Variants in CSTL1 observed in about 807,000 individuals in gnomAD.
CSTL1 encodes cystatin-like 1.
A neutral mutation model predicts 14.4 loss-of-function variants in CSTL1; 14 were observed. The ratio of observed to expected loss-of-function variants is 0.97; its 90% confidence interval spans 0.64 to 1.52. The LOEUF (loss-of-function observed/expected upper bound fraction) is 1.52, where lower values mean the gene tolerates loss of function less well. CSTL1 is among the 40% of genes most tolerant of loss of function. CSTL1 has a pLI of 0.00. For missense variants in CSTL1, 170 were observed against 168.7 expected, an observed-to-expected ratio of 1.01 and a Z score of -0.04; for synonymous variants, 72 against 67.5, an observed-to-expected ratio of 1.07 and a Z score of -0.33.
At chr20:23,452,043 G>A in the CSTL1 span, 7 of 634,242 alleles carry the variant, frequency 1.1e-5, no homozygotes, top group African/African-American at 5.6e-5. Flanking sequence ...GCGGATTAGC[G>A]GGCTCCTCTC....
At chr20:23,443,756 T>C (rs536517481) in intron 2 of CSTL1, among the ~76,000 whole-genome samples, 178 bp from the exon 3 acceptor site, 1 of 152,330 alleles carries the variant, frequency 6.6e-6, no homozygotes, top group African/African-American at 2.4e-5. Flanking sequence ...GGGCTTTGGC[T>C]GCCATTGCCC....
At chr20:23,440,031 A>T (rs1474608971) in intron 1 of CSTL1, 113 bp from the exon 2 acceptor site, 3 of 539,906 alleles carry the variant, frequency 5.6e-6, no homozygotes, top group East Asian at 3.2e-5. Flanking sequence ...GTGTTTAAAA[A>T]TTTTGCTTGC....
At chr20:23,452,782 C>G in the CSTL1 span, 1 of 1,614,078 alleles carries the variant, frequency 6.2e-7, no homozygotes, top group Admixed American at 1.7e-5. Flanking sequence ...CCAACAGGAG[C>G]TGTAGGGCCT....
chr20:23,456,018 T>A, the CSTL1 span, among the ~76,000 whole-genome samples: 1 of 152,168 alleles, frequency 6.6e-6, no homozygotes, highest in African/African-American at 2.4e-5. Flanking sequence ...TCTTCCTCTA[T>A]GTTCATAATT....
the CSTL1 span, among the ~76,000 whole-genome samples, chr20:23,451,467 G>A: frequency 6.6e-6 from 1 of 152,172 alleles, no homozygotes; most frequent in Admixed American, 6.5e-5. Flanking sequence ...TTGTCATGTT[G>A]ACTCTGAGGT....
chr20:23,456,385 A>G, the CSTL1 span, among the ~76,000 whole-genome samples: 2 of 152,112 alleles, frequency 1.3e-5, no homozygotes, highest in African/African-American at 4.8e-5. Flanking sequence ...CCCTATGCAC[A>G]CCACATCTCC....
chr20:23,444,961 G>GCA, downstream of CSTL1: 88 of 865,618 alleles, frequency 1.0e-4, no homozygotes, highest in South Asian at 1.5e-4. Flanking sequence ...TATTACACAT[G>GCA]CACACACACA....
the CSTL1 span, chr20:23,452,903 A>G: frequency 1.0e-6 from 1 of 991,232 alleles, no homozygotes; most frequent in Non-Finnish European, 1.5e-6. Flanking sequence ...GCAGGATTTA[A>G]GAGCAGCTGG....
At chr20:23,457,449 A>G in the CSTL1 span, 4 of 152,210 alleles carry the variant, frequency 2.6e-5, no homozygotes, top group Non-Finnish European at 4.4e-5. Context: ...ATTCCATTTA[A>G]CATTCAGTAA....
downstream of CSTL1, among the ~76,000 whole-genome samples, chr20:23,445,952 G>A (rs563806613): frequency 4.9e-3 from 741 of 152,254 alleles, 8 homozygotes; most frequent in African/African-American, 0.017. Flanking sequence ...CACAGAGCAC[G>A]CTCAATTCCC....
the CSTL1 span, among the ~76,000 whole-genome samples, chr20:23,455,537 C>G: frequency 2.0e-5 from 3 of 152,202 alleles, no homozygotes; most frequent in African/African-American, 7.2e-5. Flanking sequence ...GTGGGGCTCA[C>G]AAAGAATCCC....
chr20:23,440,467 T>G lies in CSTL1; in HGVS notation c.200T>G (p.Leu67Arg). The change falls in exon 2 of 4, where the codon CTA becomes CGA. Residue 67 changes from leucine to arginine, a missense_variant. Leu to Arg is a moderately radical substitution (Grantham distance 102, BLOSUM62 -2). Coordinates refer to ENST00000347397, the MANE Select transcript of CSTL1 (RefSeq NM_138283.1). ...ACCTACTTATATCGAGTCCAGAGGC[T>G]AATTCGAAGTCAGATGCAGGTTTGT... Reference protein sequence around the residue: ...NDTYLYRVQRLIRSQMQLTTG... With the variant: ...NDTYLYRVQRRIRSQMQLTTG... 1 of 1,613,584 alleles carries G rather than the reference T, an allele frequency of 6.2e-7. No homozygotes were observed. Among genetic ancestry groups the G allele is most frequent in the Non-Finnish European group, 8.5e-7 (1 of 1,179,502 alleles).
chr20:23,443,720 C>T (rs984195575), intron 2 of CSTL1, among the ~76,000 whole-genome samples: 2 of 152,206 alleles, frequency 1.3e-5, no homozygotes, highest in Non-Finnish European at 2.9e-5. Flanking sequence ...TCTGTGGCTG[C>T]TGCAGCAAAA....
At chr20:23,444,991 C>T (rs1986936628), downstream of CSTL1, 1 of 725,744 alleles carries the variant, frequency 1.4e-6, no homozygotes, top group East Asian at 2.7e-5. Context: ...ACAGAGTGTA[C>T]ACGTACACAC....
At chr20:23,453,209 G>T in the CSTL1 span, among the ~76,000 whole-genome samples, 1 of 151,436 alleles carries the variant, frequency 6.6e-6, no homozygotes, top group South Asian at 2.1e-4. Context: ...TCATAGGTGA[G>T]CAGTGGGGGG....
At chr20:23,444,540 A>T (rs1986923611) in intron 3 of CSTL1, among the ~76,000 whole-genome samples, 1 of 152,048 alleles carries the variant, frequency 6.6e-6, no homozygotes, top group Non-Finnish European at 1.5e-5. Flanking sequence ...CAGGCCATAG[A>T]CTCCAGGTTC....
At chr20:23,456,302 C>T in the CSTL1 span, among the ~76,000 whole-genome samples, 4 of 152,164 alleles carry the variant, frequency 2.6e-5, no homozygotes, top group Admixed American at 6.5e-5. Context: ...AAACTTTGAA[C>T]GTGCTTTAAA....
the CSTL1 span, among the ~76,000 whole-genome samples, chr20:23,460,877 C>G: frequency 6.6e-6 from 1 of 152,136 alleles, no homozygotes; most frequent in Non-Finnish European, 1.5e-5. Flanking sequence ...CCTTTTGGTT[C>G]CTAAGTAAGA....
chr20:23,448,899 C>G (rs1272717073), downstream of CSTL1, among the ~76,000 whole-genome samples: 9 of 152,202 alleles, frequency 5.9e-5, no homozygotes, highest in African/African-American at 1.7e-4. Flanking sequence ...ATCTTTACAA[C>G]TGCCTCAAGG....
Sources: allele counts gnomAD v4.1 joint callset (sites outside exome capture counted in the v4.1 genomes callset), GRCh38; gene constraint gnomAD v4.1.1; transcripts MANE v1.5; gene names NCBI Gene and HGNC (gene_info 2026-07-23, HGNC 2026-07-21).